AMY2B: variants seen among roughly 807,000 people sequenced by gnomAD.
AMY2B encodes the protein amylase alpha 2B.
Under a neutral mutation model 59.3 loss-of-function variants are expected in AMY2B, and 63 were observed. The observed-to-expected ratio is 1.06, with a 90% CI of 0.87 to 1.31. The LOEUF (loss-of-function observed/expected upper bound fraction) is 1.31. Ranked by LOEUF, AMY2B falls within the 50% of genes most tolerant of loss-of-function variation. AMY2B has a pLI of 0.00. For missense variants in AMY2B, 635 were observed against 626.7 expected, an observed-to-expected ratio of 1.01 and a Z score of -0.14; for synonymous variants, 180 against 198.1, an observed-to-expected ratio of 0.91 and a Z score of 0.77.
At chr1:103,556,985 CTG>C (rs1252465693) in intron 1 of AMY2B, among the ~76,000 whole-genome samples, 1 of 152,024 alleles carries the variant, frequency 6.6e-6, no homozygotes, top group African/African-American at 2.4e-5. Context: ...AGCTAACCCC[CTG>C]TGTCAGACAC....
chr1:103,575,028 A>G (rs1436857925), intron 5 of AMY2B, among the ~76,000 whole-genome samples, 195 bp from the exon 6 acceptor site: 5 of 146,746 alleles, frequency 3.4e-5, no homozygotes, highest in Non-Finnish European at 7.4e-5. Context: ...GTGTGTGTAT[A>G]TATATTTGAG....
At chr1:103,575,615 A>G (rs544797075) in intron 7 of AMY2B, 75 bp downstream of exon 7, 6 of 1,571,680 alleles carry the variant, frequency 3.8e-6, no homozygotes, top group East Asian at 2.2e-5. Flanking sequence ...TAATATGACA[A>G]CTATTAATTA....
At position 103,574,314 on chromosome 1, in the gene AMY2B, C is replaced by A. The variant is rs374395229; in HGVS notation, c.799C>A (p.Arg267=). 2 of 1,611,230 alleles carry A rather than the reference C, an allele frequency of 1.2e-6. No homozygotes were observed. Among genetic ancestry groups the A allele is most frequent in the Non-Finnish European group, 1.7e-6 (2 of 1,179,648 alleles). Residue 267 remains arginine (R), a synonymous_variant, in exon 5 of 10, where the codon CGG becomes AGG. Transcript: ENST00000684275. ...AAGCAGTGACTACTTTGGAAATGGC[C>A]GGGTGACAGAATTCAAGTATGGTGC... ...IKSSDYFGNG[R]VTEFKYGAKL... is the part of the protein sequence containing the mutation.
chr1:103,577,640 T>C, intron 8 of AMY2B, 32 bp downstream of exon 8: 2 of 1,611,938 alleles, frequency 1.2e-6, no homozygotes, highest in East Asian at 2.2e-5. Context: ...TGTCCTCTAA[T>C]AGTAAACTTT....
chr1:103,556,740 C>G (rs1651564640), intron 1 of AMY2B, among the ~76,000 whole-genome samples: 1 of 151,800 alleles, frequency 6.6e-6, no homozygotes, highest in African/African-American at 2.4e-5. Flanking sequence ...AAATTGGGAA[C>G]CTAGGAGATT....
chr1:103,577,559 A>G lies in AMY2B; in HGVS notation c.1171A>G (p.Thr391Ala), dbSNP rs1417938391. Residue 391 changes from threonine to alanine, a missense_variant, in exon 8 of 10, where the codon ACT becomes GCT. Coordinates refer to ENST00000684275, the MANE Select transcript of AMY2B (RefSeq NM_001387437.1). ...TAAAGAAGTTACTATTAATCCAGAC[A>G]CTACTTGTGGCAATGACTGGGTCTG... ...VIKEVTINPD[T>A]TCGNDWVCEH... The G allele has an allele frequency of 2.5e-6, 4 of 1,611,884 alleles. No homozygotes were observed. Among genetic ancestry groups the G allele is most frequent in the Non-Finnish European group, 3.4e-6 (4 of 1,179,838 alleles).
intron 1 of AMY2B, chr1:103,555,355 A>G (rs1462929037): frequency 2.6e-5 from 4 of 151,836 alleles, no homozygotes; most frequent in African/African-American, 9.7e-5. Flanking sequence ...TGCCTTTTAA[A>G]AATTCTTACC....
chr1:103,559,972 ACTT>A (rs1651682253), intron 1 of AMY2B, among the ~76,000 whole-genome samples: 1 of 152,208 alleles, frequency 6.6e-6, no homozygotes, highest in African/African-American at 2.4e-5. Flanking sequence ...TCATTATAAC[ACTT>A]CTTATAACAA....
intron 7 of AMY2B, among the ~76,000 whole-genome samples, chr1:103,576,428 TAA>T (rs1271984321): frequency 6.6e-6 from 1 of 152,166 alleles, no homozygotes; most frequent in African/African-American, 2.4e-5. Context: ...TTTCTGATGT[TAA>T]GGGTCACAGA....
At chr1:103,572,593 T>A (rs953689944) in intron 2 of AMY2B, among the ~76,000 whole-genome samples, 1 of 152,198 alleles carries the variant, frequency 6.6e-6, no homozygotes, top group African/African-American at 2.4e-5. Context: ...TTTAGGTGAC[T>A]TGTATCTCCA....
At position 103,574,398 on chromosome 1, in the gene AMY2B, A is replaced by T. The variant is rs1322251043; in HGVS notation, c.878+5A>T. ...AGAGAAGATGTCTTACCTAAAGTAA[A>T]TAAATACAACTTTTCCCCTGAAGTA... On this transcript the variant is annotated splice_donor_5th_base_variant and intron_variant, in intron 5 of 9. Coordinates refer to ENST00000684275, the MANE Select transcript of AMY2B (RefSeq NM_001387437.1). The T allele has an allele frequency of 3.1e-6, 5 of 1,611,152 alleles. No homozygotes were observed. The highest frequency in any genetic ancestry group is 4.2e-6 in the Non-Finnish European group (5 of 1,179,646).
In AMY2B at chr1:103,573,693, T is replaced by A; in HGVS notation, c.514-15T>A. On this transcript the variant is annotated splice_polypyrimidine_tract_variant and intron_variant, in intron 3 of 9. Transcript: ENST00000684275. Reference sequence around the variant, plus strand: ...GAGGTTTTATGAATCAATCATAACATTTTTACCTCAACAGGTCAGAGATTG... The same window carrying A: ...GAGGTTTTATGAATCAATCATAACAATTTTACCTCAACAGGTCAGAGATTG... 1 of 1,613,594 alleles carries A rather than the reference T, an allele frequency of 6.2e-7. No individual in the cohort carries two copies. The highest frequency in any genetic ancestry group is 8.5e-7 in the Non-Finnish European group (1 of 1,179,590).
chr1:103,561,981 A>G (rs891621554), intron 1 of AMY2B: 3 of 152,070 alleles, frequency 2.0e-5, no homozygotes, highest in African/African-American at 4.8e-5. Flanking sequence ...AAATTCAGCA[A>G]TTTTTTTTCC....
At position 103,558,555 on chromosome 1, in the gene AMY2B, A is replaced by G. The variant is rs566453899; in HGVS notation, c.-207+3446A>G. Among the ~76,000 whole-genome samples the G allele has an allele frequency of 2.2e-3, 331 of 152,300 alleles. 2 individuals carry two copies. Among genetic ancestry groups the G allele is most frequent in the African/African-American group, 7.7e-3 (319 of 41,558 alleles). On this transcript the variant is annotated intron_variant, in intron 1 of 11. Coordinates refer to the AMY2B transcript ENST00000361355. The stretch of plus-strand genomic sequence containing the variant: ...ATTTCAAAAAAAAGTATTAAAAGAT[A>G]TTTCAGTATAAAAAATGATGACATT...
At chr1:103,556,474 G>A (rs1458820173) in intron 1 of AMY2B, among the ~76,000 whole-genome samples, 2 of 152,136 alleles carry the variant, frequency 1.3e-5, no homozygotes, top group Admixed American at 1.3e-4. Flanking sequence ...GGTTGAAGAT[G>A]CATTGGAGTT....
At position 103,571,646 on chromosome 1, in the gene AMY2B, C is replaced by T. The variant is rs1253089635; in HGVS notation, c.44C>T (p.Ala15Val). 6.2e-7 allele frequency: 1 copy of T among 1,611,890 alleles called. No individual in the cohort carries two copies. Among genetic ancestry groups the T allele is most frequent in the Admixed American group, 1.7e-5 (1 of 60,012 alleles). The change falls in exon 1 of 10, where the codon GCT (alanine) becomes GTT (valine). Residue 15 changes from alanine (A) to valine (V), a missense_variant. Ala to Val is a moderately conservative substitution (Grantham distance 64). Transcript: ENST00000684275. The stretch of plus-strand genomic sequence containing the variant: ...CTTTTCACCATTGGGTTCTGCTGGG[C>T]TCAGTATTCCCCAAATACACAACAA... ...LLLFTIGFCW[A>V]QYSPNTQQGR...
chr1:103,568,928 C>T (rs1652005625), upstream of AMY2B: 1 of 151,872 alleles, frequency 6.6e-6, no homozygotes, highest in South Asian at 2.1e-4. Context: ...AAGATTCAAT[C>T]CACTCACAGT....
At chr1:103,557,309 T>C (rs1330102212) in intron 1 of AMY2B, among the ~76,000 whole-genome samples, 1 of 152,056 alleles carries the variant, frequency 6.6e-6, no homozygotes, top group African/African-American at 2.4e-5. Flanking sequence ...GTGACTAATA[T>C]ATAAAGACTT....
At position 103,572,184 on chromosome 1, in the gene AMY2B, C is replaced by T; in HGVS notation, c.243C>T (p.Ser81=). 1 of 1,611,608 alleles carries T rather than the reference C, an allele frequency of 6.2e-7. No homozygotes were observed. Among genetic ancestry groups the T allele is most frequent in the East Asian group, 2.2e-5 (1 of 44,790 alleles). ...GGTGGGAAAGATACCAACCAGTTAG[C>T]TATAAATTATGCACAAGATCTGGAA... ...RPWWERYQPV[S]YKLCTRSGNE... Residue 81 remains serine (S), a synonymous_variant, in exon 2 of 10, where the codon AGC becomes AGT. Coordinates refer to ENST00000684275, the MANE Select transcript of AMY2B (RefSeq NM_001387437.1).
Sources: gnomAD v4.1 joint callset for allele counts (sites outside exome capture counted in the v4.1 genomes callset) on GRCh38, gnomAD v4.1.1 for gene constraint, MANE v1.5 for transcripts, NCBI Gene and HGNC (gene_info 2026-07-23, HGNC 2026-07-21) for gene names.